ERLIN2: variants seen among roughly 807,000 people sequenced by gnomAD.
ERLIN2 encodes erlin-2.
A neutral mutation model predicts 41.5 loss-of-function variants in ERLIN2; 22 were observed. The ratio of observed to expected loss-of-function variants is 0.53; its 90% confidence interval spans 0.38 to 0.76. The LOEUF (loss-of-function observed/expected upper bound fraction) is 0.76. Ranked by LOEUF, ERLIN2 falls within the 30% of genes least tolerant of loss-of-function variation. The pLI, the probability that ERLIN2 is intolerant of heterozygous loss-of-function variation, is 0.00. For missense variants in ERLIN2, 247 were observed against 414.3 expected (o/e 0.60, Z 3.51); for synonymous variants, 149 against 150.9 (o/e 0.99, Z 0.09).
intron 2 of ERLIN2, among the ~76,000 whole-genome samples, chr8:37,739,627 A>G (rs910892621): frequency 1.6e-4 from 25 of 151,852 alleles, no homozygotes; most frequent in African/African-American, 6.1e-4. Context: ...GGTGCCTGCC[A>G]CCACGCCTGG....
intron 6 of ERLIN2, among the ~76,000 whole-genome samples, chr8:37,748,907 A>T (rs1383423895): frequency 6.6e-6 from 1 of 152,236 alleles, no homozygotes; most frequent in African/African-American, 2.4e-5. Context: ...TCTGTGAAAC[A>T]ACTCATGTGG....
intron 6 of ERLIN2, chr8:37,747,681 A>G: frequency 1.9e-6 from 3 of 1,596,950 alleles, no homozygotes; most frequent in Non-Finnish European, 1.7e-6. Flanking sequence ...TAACGGGAGC[A>G]TTCTTCGGCT....
Position 37,756,391 on chromosome 8 carries a change from C to T in ERLIN2, c.*2276C>T, listed in dbSNP as rs559855514. On this transcript the variant is annotated 3_prime_UTR_variant, in exon 12 of 12. Coordinates refer to ENST00000519638, the MANE Select transcript of ERLIN2 (RefSeq NM_007175.8). ...AAACACCAATTCACCACAGTAGAAC[C>T]GGGAGCAGGGATAGCTCAGCTTCTC... 11 of 152,488 alleles carry T rather than the reference C, an allele frequency of 7.2e-5. No homozygotes were observed. The highest frequency in any genetic ancestry group is 1.3e-4 in the Admixed American group (2 of 15,292). The allele number at this position is 152,488 out of a possible 1,614,324, so 9.4% of individuals were successfully genotyped here.
Position 37,751,639 on chromosome 8 carries a change from G to A in ERLIN2, c.663G>A (p.Val221=). Residue 221 remains valine (V), a synonymous_variant, in exon 10 of 12, where the codon GTG becomes GTA. Coordinates refer to ENST00000519638, the MANE Select transcript of ERLIN2 (RefSeq NM_007175.8). The stretch of plus-strand genomic sequence containing the variant: ...TCATTTATTCAGAGGCAGAAAAAGT[G>A]GCCCAGGTGGCTGAGATCACCTACG... ...RKKALIEAEK[V]AQVAEITYGQ... is the part of the protein sequence containing the mutation. The A allele has an allele frequency of 6.2e-7, 1 of 1,613,336 alleles. No homozygotes were observed. The highest frequency in any genetic ancestry group is 8.5e-7 in the Non-Finnish European group (1 of 1,179,248).
intron 10 of ERLIN2, among the ~76,000 whole-genome samples, chr8:37,752,062 G>T (rs774135468): frequency 6.6e-6 from 1 of 152,160 alleles, no homozygotes; most frequent in Admixed American, 6.5e-5. Flanking sequence ...ACTCTCAGCA[G>T]TTGGCTCTCC....
chr8:37,753,896 CTTTTT>C lies in ERLIN2; in HGVS notation c.820-10_820-6del. The C allele has an allele frequency of 7.6e-7, 1 of 1,314,184 alleles. No homozygotes were observed. The highest frequency in any genetic ancestry group is 1.1e-6 in the Non-Finnish European group (1 of 933,822). The allele number at this position is 1,314,184 out of a possible 1,614,324, so 81.4% of individuals were successfully genotyped here. ...TATGGTTCAACATAAGTCTTCCATA[CTTTTT>C]TTTTTTTTAACAGCTGAAGCTAACC... On this transcript the variant is annotated splice_polypyrimidine_tract_variant and intron_variant, in intron 11 of 11. Transcript: ENST00000519638.
In ERLIN2 at chr8:37,741,728, G is replaced by A; in HGVS notation, c.190-44G>A. On this transcript the variant is annotated intron_variant, in intron 3 of 11. Transcript: ENST00000519638. This position sits in a 1 kb window ranked among gnomAD's most constrained non-coding sequence, Gnocchi z 4.8. ...AGGATTCTGAAAAGTAAGTTACTTT[G>A]TCACTGCCCATCTTCTAGCACTTTA... 6.7e-7 allele frequency: 1 copy of A among 1,487,166 alleles called. No homozygotes were observed. Among genetic ancestry groups the A allele is most frequent in the East Asian group, 2.3e-5 (1 of 44,264 alleles). The allele number at this position is 1,487,166 out of a possible 1,614,324, so 92.1% of individuals were successfully genotyped here.
intron 10 of ERLIN2, among the ~76,000 whole-genome samples, chr8:37,753,125 G>A (rs964706601): frequency 6.6e-6 from 1 of 152,244 alleles, no homozygotes; most frequent in Admixed American, 6.5e-5. Context: ...AAAGAAGTAA[G>A]ACAGGAAGCG....
At chr8:37,752,596 G>A (rs909026930) in intron 10 of ERLIN2, among the ~76,000 whole-genome samples, 3 of 152,170 alleles carry the variant, frequency 2.0e-5, no homozygotes, top group African/African-American at 7.2e-5. Flanking sequence ...TTCCTTCCAC[G>A]CGGGGTCACA....
At chr8:37,742,278 T>C (rs558130539) in intron 4 of ERLIN2, among the ~76,000 whole-genome samples, 3 of 150,740 alleles carry the variant, frequency 2.0e-5, no homozygotes, top group South Asian at 4.2e-4. Flanking sequence ...GAGGCAGAGA[T>C]TGCAGTGAGC....
At chr8:37,752,816 C>T (rs80064980) in intron 10 of ERLIN2, among the ~76,000 whole-genome samples, 16 of 152,326 alleles carry the variant, frequency 1.1e-4, no homozygotes, top group East Asian at 9.6e-4. Flanking sequence ...AATCCAAACA[C>T]GTGTTGGTCT....
rs1392139707 is a variant in ERLIN2 at position 37,750,494 on chromosome 8, T to TGTG, written c.649+11_649+13dup. ...GGAAGAAGGCGCTCATTGGTCTGAA[T>TGTG]GTGGTTCTGTGATCCCCCTTTCCAG... On this transcript the variant is annotated intron_variant, in intron 9 of 11. Transcript: ENST00000519638. The TGTG allele has an allele frequency of 1.2e-6, 2 of 1,607,496 alleles. No individual in the cohort carries two copies. The highest frequency in any genetic ancestry group is 2.7e-5 in the African/African-American group (2 of 74,766).
chr8:37,752,018 C>T (rs887449633), intron 10 of ERLIN2, among the ~76,000 whole-genome samples: 15 of 152,162 alleles, frequency 9.9e-5, no homozygotes, highest in African/African-American at 3.6e-4. Flanking sequence ...CTTGGAGTTC[C>T]CAGGCTAGCA....
rs747207286 is a variant in ERLIN2 at position 37,744,660 on chromosome 8, G to A, written c.388G>A (p.Val130Met). 3 of 1,614,158 alleles carry A rather than the reference G, an allele frequency of 1.9e-6. No homozygotes were observed. The highest frequency in any genetic ancestry group is 4.5e-5 in the East Asian group (2 of 44,878). ...CCACGAACTGAACCAGTTCTGCAGT[G>A]TGCACACGCTTCAAGAGGTCTACAT... ...IHHELNQFCSVHTLQEVYIEL... is the reference protein window; with the variant it reads ...IHHELNQFCSMHTLQEVYIEL... The change falls in exon 6 of 12, where the codon GTG becomes ATG. Residue 130 changes from valine to methionine, a missense_variant. Physicochemically the swap from Val to Met is conservative, Grantham distance 21 (BLOSUM62 1). This residue lies in a region of ERLIN2 where 153 missense variants were observed against 256.4 expected (regional missense o/e 0.60). Coordinates refer to ENST00000519638, the MANE Select transcript of ERLIN2 (RefSeq NM_007175.8).
intron 10 of ERLIN2, among the ~76,000 whole-genome samples, chr8:37,752,536 G>A (rs539980005): frequency 2.3e-4 from 35 of 152,180 alleles, no homozygotes; most frequent in South Asian, 4.1e-4. Context: ...CAAGTGCTCA[G>A]GCCAGCTGAG....
Position 37,744,664 on chromosome 8 carries a change from A to G in ERLIN2, c.392A>G (p.His131Arg). The change falls in exon 6 of 12, where the codon CAC (histidine) becomes CGC (arginine). Residue 131 changes from histidine to arginine, a missense_variant. By Grantham distance (29) the His-to-Arg change is conservative. Coordinates refer to ENST00000519638, the MANE Select transcript of ERLIN2 (RefSeq NM_007175.8). ...GAACTGAACCAGTTCTGCAGTGTGC[A>G]CACGCTTCAAGAGGTCTACATTGAG... ...HHELNQFCSV[H>R]TLQEVYIELF... 6.2e-7 allele frequency: 1 copy of G among 1,614,208 alleles called. No individual in the cohort carries two copies. Among genetic ancestry groups the G allele is most frequent in the Non-Finnish European group, 8.5e-7 (1 of 1,180,018 alleles).
In ERLIN2 at chr8:37,757,003, A is replaced by G. The variant is rs186638002; in HGVS notation, c.*2888A>G. The G allele has an allele frequency of 6.6e-6, 1 of 152,344 alleles. No individual in the cohort carries two copies. The highest frequency in any genetic ancestry group is 3.4e-3 in the Middle Eastern group (1 of 294). The allele number at this position is 152,344 out of a possible 1,614,324, so 9.4% of individuals were successfully genotyped here. Reference sequence around the variant, plus strand: ...AAACCAAAGTTTATTAATAATTTTTATATAACTAAAATAAAATAGATGTGG... The same window carrying G: ...AAACCAAAGTTTATTAATAATTTTTGTATAACTAAAATAAAATAGATGTGG... On this transcript the variant is annotated 3_prime_UTR_variant, in exon 12 of 12. Coordinates refer to ENST00000519638, the MANE Select transcript of ERLIN2 (RefSeq NM_007175.8).
At chr8:37,744,755 T>C (rs780091735) in intron 6 of ERLIN2, 59 bp downstream of exon 6, 2 of 1,599,424 alleles carry the variant, frequency 1.3e-6, no homozygotes, top group Non-Finnish European at 8.6e-7. Context: ...ACCCCGCGTC[T>C]CTCCACTGCC....
chr8:37,757,846 A>T lies in ERLIN2; in HGVS notation c.*3731A>T, dbSNP rs949954329. ...ATAATTCTTGGTAGGTGCTATAGAG[A>T]TTTATCATTTTAAACAGTTCACACA... On this transcript the variant is annotated 3_prime_UTR_variant, in exon 12 of 12. Transcript: ENST00000519638. The T allele has an allele frequency of 6.6e-6, 1 of 152,140 alleles. No homozygotes were observed. The highest frequency in any genetic ancestry group is 1.5e-5 in the Non-Finnish European group (1 of 68,032). 9.4% of individuals were successfully genotyped at this position (152,140 alleles called of 1,614,324 possible).
Sources: allele counts gnomAD v4.1 joint callset (sites outside exome capture counted in the v4.1 genomes callset), GRCh38; gene constraint gnomAD v4.1.1; regional missense constraint gnomAD v4.1.1; non-coding constraint Gnocchi (gnomAD v3.1); transcripts MANE v1.5; gene names NCBI Gene and HGNC (gene_info 2026-07-23, HGNC 2026-07-21).